UBE2G2: variants seen among roughly 807,000 people sequenced by gnomAD.
The protein encoded by UBE2G2 is ubiquitin-conjugating enzyme E2 G2.
Under a neutral mutation model 23.0 loss-of-function variants are expected in UBE2G2, and 10 were observed. The observed-to-expected ratio is 0.43, with a 90% CI of 0.27 to 0.74. UBE2G2 has a LOEUF of 0.74. UBE2G2 is among the 30% of genes least tolerant of loss of function. The pLI is 0.19. For synonymous variants in UBE2G2, 86 were observed against 81.3 expected (o/e 1.06, Z -0.31); for missense variants, 150 against 218.3 (o/e 0.69, Z 1.97).
chr21:44,778,278 C>T (rs1555960857), intron 3 of UBE2G2, among the ~76,000 whole-genome samples: 2 of 152,224 alleles, frequency 1.3e-5, no homozygotes, highest in Non-Finnish European at 2.9e-5. Context: ...GCTGCATGCT[C>T]GGTGAAAGGC....
rs376673636 is a variant in UBE2G2 at position 44,777,133 on chromosome 21, A to G, written c.244+166T>C. 1.9e-4 allele frequency: 119 copies of G among 621,656 alleles called. 1 individual carries two copies. In the South Asian group the frequency reaches 2.0e-3, roughly 10 times the overall value. The allele number at this position is 621,656 out of a possible 1,614,324, so 38.5% of individuals were successfully genotyped here. ...TAAACTGACCTTCAAAATTGAAATC[A>G]TGTGCTTAATACCACCATGCTTACT... On this transcript the variant is annotated intron_variant, in intron 4 of 5. Transcript: ENST00000345496.
At chr21:44,788,292 T>TC (rs1447710960) in intron 1 of UBE2G2, among the ~76,000 whole-genome samples, 197 bp from the exon 2 acceptor site, 1 of 148,214 alleles carries the variant, frequency 6.7e-6, no homozygotes, top group African/African-American at 2.5e-5. Flanking sequence ...TTTTTGTTTT[T>TC]TTTTTGTTTT....
intron 1 of UBE2G2, among the ~76,000 whole-genome samples, chr21:44,798,410 T>C (rs782645756): frequency 3.3e-5 from 5 of 152,240 alleles, no homozygotes; most frequent in Admixed American, 6.5e-5. Flanking sequence ...AAGATTGCTC[T>C]GTAGTCTGTG....
At chr21:44,801,213 C>A (rs536494381) in intron 1 of UBE2G2, 2 of 604,406 alleles carry the variant, frequency 3.3e-6, no homozygotes, top group Non-Finnish European at 4.2e-6. Context: ...CTCAACACTA[C>A]CTAGGAGGAG....
rs782306627 is a variant in UBE2G2, at chr21:44,801,788, G to A, written c.-40C>T. 3 of 1,503,980 alleles carry A rather than the reference G, an allele frequency of 2.0e-6. No homozygotes were observed. Among genetic ancestry groups the A allele is most frequent in the South Asian group, 1.3e-5 (1 of 79,656 alleles). The allele number at this position is 1,503,980 out of a possible 1,614,324, so 93.2% of individuals were successfully genotyped here. A position where few individuals can be genotyped will look rare whatever the true frequency, so the allele number is the denominator to read the frequency against. ...TGCGCCGAGCGACCTCGCCTCAGCC[G>A]CGCGCGTGCCTCCTGCCCCGACACC... On this transcript the variant is annotated 5_prime_UTR_variant, in exon 1 of 6. Coordinates refer to ENST00000345496, the MANE Select transcript of UBE2G2 (RefSeq NM_003343.6).
intron 4 of UBE2G2, 134 bp from the exon 5 acceptor site, chr21:44,773,821 A>T: frequency 8.0e-7 from 1 of 1,252,248 alleles, no homozygotes; most frequent in Non-Finnish European, 1.1e-6. Context: ...GCTGGGGCAT[A>T]GCCTGGGGCC....
intron 1 of UBE2G2, among the ~76,000 whole-genome samples, chr21:44,795,286 A>T (rs920812715): frequency 2.6e-5 from 4 of 152,044 alleles, no homozygotes; most frequent in Admixed American, 2.6e-4. Context: ...AAAAATAAAT[A>T]AATAAAACAA....
rs2082878431 is a variant in UBE2G2, at chr21:44,772,040, T to G, written c.386-551A>C. Reference sequence around the variant, plus strand: ...GCGGCACTGGCAGTCACTGCAGAACTGCAGTTAGGAGGCACGGAGGGAGTA... The same window carrying G: ...GCGGCACTGGCAGTCACTGCAGAACGGCAGTTAGGAGGCACGGAGGGAGTA... On this transcript the variant is annotated intron_variant, in intron 5 of 5. Coordinates refer to ENST00000345496, the MANE Select transcript of UBE2G2 (RefSeq NM_003343.6). This position sits in a 1 kb window ranked among gnomAD's most constrained non-coding sequence, Gnocchi z 5.4. Among the ~76,000 whole-genome samples the G allele has an allele frequency of 6.6e-6, 1 of 152,162 alleles. No homozygotes were observed. The highest frequency in any genetic ancestry group is 2.1e-4 in the South Asian group (1 of 4,830).
chr21:44,801,330 T>C, intron 1 of UBE2G2: 1 of 1,070,096 alleles, frequency 9.3e-7, no homozygotes. Flanking sequence ...ACGCATACAC[T>C]TTTCCCTCCT....
At chr21:44,793,741 C>T (rs2083063618) in intron 1 of UBE2G2, among the ~76,000 whole-genome samples, 1 of 152,150 alleles carries the variant, frequency 6.6e-6, no homozygotes, top group African/African-American at 2.4e-5. Flanking sequence ...CAAATAGCTA[C>T]CACACAAAGT....
chr21:44,788,066 C>T lies in UBE2G2; in HGVS notation c.73G>A (p.Val25Ile), dbSNP rs1555962356. 3 of 1,611,212 alleles carry T rather than the reference C, an allele frequency of 1.9e-6. No individual in the cohort carries two copies. Among genetic ancestry groups the T allele is most frequent in the Non-Finnish European group, 2.5e-6 (3 of 1,178,798 alleles). ...QLTLNPPEGIVAGPMNEENFF... is the reference protein window; with the variant it reads ...QLTLNPPEGIIAGPMNEENFF... Reference sequence around the variant, plus strand: ...GTTAACTTTGGTACCTTACCTGCTACAATTCCTTCCGGAGGATTCAGTGTT... The same window carrying T: ...GTTAACTTTGGTACCTTACCTGCTATAATTCCTTCCGGAGGATTCAGTGTT... The change falls in exon 2 of 6, where the codon GTA becomes ATA. Residue 25 changes from valine (V) to isoleucine (I), a missense_variant. Transcript: ENST00000345496.
Position 44,801,606 on chromosome 21 carries a change from C to T in UBE2G2, c.43+100G>A. ...GGGCTCACGGTGGAGGCCCCGGGCC[C>T]GGCTCCCCCGCCAGGCTCCCTGCCC... On this transcript the variant is annotated intron_variant, in intron 1 of 5. Coordinates refer to ENST00000345496, the MANE Select transcript of UBE2G2 (RefSeq NM_003343.6). 3 of 1,391,078 alleles carry T rather than the reference C, an allele frequency of 2.2e-6. No homozygotes were observed. The South Asian group carries it at 4.7e-5, about 22-fold the overall frequency. The allele number at this position is 1,391,078 out of a possible 1,614,324, so 86.2% of individuals were successfully genotyped here. A position where few individuals can be genotyped will look rare whatever the true frequency, so the allele number is the denominator to read the frequency against.
intron 3 of UBE2G2, among the ~76,000 whole-genome samples, chr21:44,784,130 TGGGTGACAGAG>T (rs1555961649): frequency 7.1e-6 from 1 of 139,996 alleles, no homozygotes; most frequent in African/African-American, 2.7e-5. Context: ...AACTTCAGCC[TGGGTGACAGAG>T]CTAGACCATG....
At chr21:44,794,875 G>A (rs1831590702) in intron 1 of UBE2G2, among the ~76,000 whole-genome samples, 2 of 152,122 alleles carry the variant, frequency 1.3e-5, no homozygotes, top group African/African-American at 4.8e-5. Context: ...TTTGAAAGAA[G>A]CAAAGACTCA....
Position 44,772,254 on chromosome 21 carries a change from C to T in UBE2G2, c.386-765G>A, listed in dbSNP as rs531393291. Among the ~76,000 whole-genome samples the T allele has an allele frequency of 6.6e-6, 1 of 152,228 alleles. No homozygotes were observed. The highest frequency in any genetic ancestry group is 2.4e-5 in the African/African-American group (1 of 41,530). The stretch of plus-strand genomic sequence containing the variant: ...ACAGCCTGAGCCACTGCCTCCCTCC[C>T]AATCTCCAATCCCCTGGCCTGGCTC... On this transcript the variant is annotated intron_variant, in intron 5 of 5. Coordinates refer to ENST00000345496, the MANE Select transcript of UBE2G2 (RefSeq NM_003343.6). This position sits in a 1 kb window ranked among gnomAD's most constrained non-coding sequence, Gnocchi z 5.4.
intron 1 of UBE2G2, among the ~76,000 whole-genome samples, 191 bp from the exon 2 acceptor site, chr21:44,788,286 T>C (rs1294375026): frequency 1.6e-5 from 2 of 125,566 alleles, no homozygotes; most frequent in African/African-American, 5.6e-5. Context: ...AAAGTTTTTT[T>C]GTTTTTTTTT....
chr21:44,794,573 C>T (rs1216979185), intron 1 of UBE2G2, among the ~76,000 whole-genome samples: 3 of 144,464 alleles, frequency 2.1e-5, no homozygotes, highest in Admixed American at 7.1e-5. Flanking sequence ...CTCGCTCTGT[C>T]ACCCAGGCTG....
In UBE2G2 at chr21:44,773,941, T is replaced by C. The variant is rs2082893962; in HGVS notation, c.245-254A>G. The stretch of plus-strand genomic sequence containing the variant: ...AATCAGCTGTCGTAGTCTAATCCAC[T>C]TTCATATGAATTTTTTTCAAGCAAT... On this transcript the variant is annotated intron_variant, in intron 4 of 5. Coordinates refer to ENST00000345496, the MANE Select transcript of UBE2G2 (RefSeq NM_003343.6). The C allele has an allele frequency of 1.0e-5, 4 of 386,602 alleles. No individual in the cohort carries two copies. The East Asian group carries it at 1.6e-4, about 16-fold the overall frequency. 23.9% of individuals were successfully genotyped at this position (386,602 alleles called of 1,614,324 possible).
intron 1 of UBE2G2, among the ~76,000 whole-genome samples, chr21:44,798,644 T>C (rs1339493814): frequency 4.6e-5 from 7 of 152,236 alleles, no homozygotes; most frequent in African/African-American, 1.7e-4. Context: ...AGTTTGATCA[T>C]GAGATTGTAG....
Sources: gnomAD v4.1 joint callset for allele counts (sites outside exome capture counted in the v4.1 genomes callset) on GRCh38, gnomAD v4.1.1 for gene constraint, Gnocchi (gnomAD v3.1) non-coding constraint, MANE v1.5 for transcripts, NCBI Gene and HGNC (gene_info 2026-07-23, HGNC 2026-07-21) for gene names.